Variants in TSPAN18 observed in about 807,000 individuals in gnomAD.
The protein encoded by TSPAN18 is tetraspanin-18.
In TSPAN18, 14 loss-of-function variants were observed where a neutral mutation model predicts 27.3. That is an observed-to-expected ratio of 0.51 (90% CI 0.34 to 0.80). The LOEUF is 0.80. TSPAN18 is among the 30% of genes least tolerant of loss of function. The probability of loss-of-function intolerance (pLI) is 0.01; values close to 1 mark genes in which losing one functional copy is unlikely to be tolerated. For synonymous variants in TSPAN18, 143 were observed against 136.5 expected, an observed-to-expected ratio of 1.05 and a Z score of -0.33; for missense variants, 268 against 323.9, an observed-to-expected ratio of 0.83 and a Z score of 1.32.
intron 2 of TSPAN18, among the ~76,000 whole-genome samples, chr11:44,788,431 T>C (rs1590468674): frequency 6.6e-6 from 1 of 151,722 alleles, no homozygotes; most frequent in East Asian, 1.9e-4. Context: ...CAGTGCAGGT[T>C]GGAGGATGGG....
rs1663378968 is a variant in TSPAN18 at position 44,930,806 on chromosome 11, G to A, written c.*1628G>A. ...GATTAGTGATGTCTGCCACGGGCAG[G>A]GATGGAAGGAGCAGTGTGATGTCTG... On this transcript the variant is annotated 3_prime_UTR_variant, in exon 10 of 10. Transcript: ENST00000520358. 1 of 477,338 alleles carries A rather than the reference G, an allele frequency of 2.1e-6. No homozygotes were observed. The highest frequency in any genetic ancestry group is 6.7e-5 in the East Asian group (1 of 14,904). 29.6% of individuals were successfully genotyped at this position (477,338 alleles called of 1,614,324 possible). A position where few individuals can be genotyped will look rare whatever the true frequency, so the allele number is the denominator to read the frequency against.
intron 2 of TSPAN18, among the ~76,000 whole-genome samples, chr11:44,783,443 G>T (rs1360551463): frequency 1.3e-5 from 2 of 151,466 alleles, no homozygotes; most frequent in Non-Finnish European, 2.9e-5. Context: ...CTGTCGCCCA[G>T]GCTGGAGTGC....
At chr11:44,833,834 T>C (rs182519931) in intron 2 of TSPAN18, among the ~76,000 whole-genome samples, 65 of 152,038 alleles carry the variant, frequency 4.3e-4, no homozygotes, top group Admixed American at 3.1e-3. Flanking sequence ...ATCTGGGACT[T>C]GCTGGGGATA....
At chr11:44,877,107 C>G (rs146560434) in intron 3 of TSPAN18, among the ~76,000 whole-genome samples, 8 of 152,330 alleles carry the variant, frequency 5.3e-5, no homozygotes, top group East Asian at 1.9e-4. Context: ...CATGCACTGC[C>G]GCTTCTGGAA....
intron 3 of TSPAN18, among the ~76,000 whole-genome samples, chr11:44,905,396 G>T (rs1030070911): frequency 6.6e-6 from 1 of 152,178 alleles, no homozygotes; most frequent in East Asian, 1.9e-4. Context: ...GGACTGGCTT[G>T]AGTTCTGGCC....
intron 2 of TSPAN18, among the ~76,000 whole-genome samples, chr11:44,832,480 T>C (rs1857175056): frequency 6.6e-6 from 1 of 152,164 alleles, no homozygotes; most frequent in Non-Finnish European, 1.5e-5. Flanking sequence ...TTCTCTACCC[T>C]AGACCCCCAA....
intron 2 of TSPAN18, among the ~76,000 whole-genome samples, chr11:44,823,884 A>T (rs1256030555): frequency 6.6e-6 from 1 of 152,170 alleles, no homozygotes; most frequent in African/African-American, 2.4e-5. Flanking sequence ...AGGGAGGAAG[A>T]GAATATGAAA....
chr11:44,890,596 G>A (rs1437749992), intron 3 of TSPAN18, among the ~76,000 whole-genome samples: 12 of 152,012 alleles, frequency 7.9e-5, no homozygotes, highest in African/African-American at 1.4e-4. Flanking sequence ...GGTGGCGGGC[G>A]CCTGTAGTCC....
chr11:44,843,963 A>T (rs577732481), intron 2 of TSPAN18, among the ~76,000 whole-genome samples: 1 of 152,356 alleles, frequency 6.6e-6, no homozygotes, highest in East Asian at 1.9e-4. Flanking sequence ...CTGAGACGTT[A>T]TACATCCTTC....
intron 3 of TSPAN18, among the ~76,000 whole-genome samples, chr11:44,889,605 G>A (rs1688059282): frequency 6.6e-6 from 1 of 152,262 alleles, no homozygotes; most frequent in African/African-American, 2.4e-5. Context: ...CCCACATGGG[G>A]TGATGTCAGA....
intron 2 of TSPAN18, among the ~76,000 whole-genome samples, chr11:44,813,587 T>C (rs957991715): frequency 2.0e-5 from 3 of 152,344 alleles, no homozygotes; most frequent in Middle Eastern, 3.4e-3. Flanking sequence ...AAGACCTCTA[T>C]GAACTGGCTT....
chr11:44,805,928 C>T (rs929469944), intron 2 of TSPAN18, among the ~76,000 whole-genome samples: 1 of 152,152 alleles, frequency 6.6e-6, no homozygotes, highest in East Asian at 1.9e-4. Context: ...AGTACCTACT[C>T]TAATCCAATA....
intron 8 of TSPAN18, 96 bp downstream of exon 8, chr11:44,920,095 C>G (rs1286916875): frequency 6.3e-6 from 8 of 1,262,046 alleles, no homozygotes; most frequent in African/African-American, 1.5e-5. Flanking sequence ...GGGTCTGAAG[C>G]TACCCCAGGA....
intron 2 of TSPAN18, among the ~76,000 whole-genome samples, chr11:44,839,939 C>A (rs944852741): frequency 2.0e-5 from 3 of 152,184 alleles, no homozygotes; most frequent in African/African-American, 7.2e-5. Flanking sequence ...AGATGCCACA[C>A]CCAGGGTGGG....
At chr11:44,860,106 T>C (rs571978657) in intron 2 of TSPAN18, among the ~76,000 whole-genome samples, 1 of 152,198 alleles carries the variant, frequency 6.6e-6, no homozygotes, top group African/African-American at 2.4e-5. Flanking sequence ...ACTCAGCACA[T>C]GCAAACACAG....
chr11:44,876,375 G>A (rs1215089617), intron 3 of TSPAN18, among the ~76,000 whole-genome samples: 4 of 152,188 alleles, frequency 2.6e-5, no homozygotes, highest in Non-Finnish European at 5.9e-5. Flanking sequence ...AGTGACCTTC[G>A]CCACATGTGA....
At chr11:44,872,631 T>TA (rs1468069997) in intron 3 of TSPAN18, among the ~76,000 whole-genome samples, 1 of 152,210 alleles carries the variant, frequency 6.6e-6, no homozygotes, top group Non-Finnish European at 1.5e-5. Flanking sequence ...ATATTGTGCT[T>TA]ACTATATGCC....
intron 3 of TSPAN18, chr11:44,903,657 C>A (rs1157357370): frequency 8.8e-6 from 4 of 456,450 alleles, no homozygotes; most frequent in Non-Finnish European, 1.3e-5. Flanking sequence ...GTTTCAGAGA[C>A]CCCTGTGATA....
At chr11:44,914,797 A>G (rs1323862435) in intron 5 of TSPAN18, among the ~76,000 whole-genome samples, 2 of 152,208 alleles carry the variant, frequency 1.3e-5, no homozygotes, top group Admixed American at 6.5e-5. Context: ...GAGATGATCC[A>G]TGTAAGATCC....
Sources: allele counts gnomAD v4.1 joint callset (sites outside exome capture counted in the v4.1 genomes callset), GRCh38; gene constraint gnomAD v4.1.1; transcripts MANE v1.5; gene names NCBI Gene and HGNC (gene_info 2026-07-23, HGNC 2026-07-21).